The following SYPL1 variants were observed in gnomAD, a reference collection of about 807,000 sequenced individuals.
The protein encoded by SYPL1 is synaptophysin-like protein 1.
A neutral mutation model predicts 23.7 loss-of-function variants in SYPL1; 6 were observed. The ratio of observed to expected loss-of-function variants is 0.25; its 90% confidence interval spans 0.14 to 0.50. The LOEUF is 0.50. SYPL1 is among the 20% of genes least tolerant of loss of function. SYPL1 has a pLI of 0.98. For missense variants in SYPL1, 253 were observed against 288.9 expected (o/e 0.88, Z 0.90); for synonymous variants, 102 against 104.5 (o/e 0.98, Z 0.15).
At chr7:106,107,567 C>T (rs913227867) in intron 1 of SYPL1, among the ~76,000 whole-genome samples, 2 of 151,852 alleles carry the variant, frequency 1.3e-5, no homozygotes, top group African/African-American at 2.4e-5. Flanking sequence ...CCAGGTGAAA[C>T]CCCGTCTCTA....
At chr7:106,107,173 T>C (rs1181624438) in intron 1 of SYPL1, among the ~76,000 whole-genome samples, 3 of 152,246 alleles carry the variant, frequency 2.0e-5, no homozygotes, top group African/African-American at 7.2e-5. Context: ...CATTCAGCAC[T>C]TAAAATGAAA....
intron 1 of SYPL1, among the ~76,000 whole-genome samples, chr7:106,099,567 G>A (rs1015658302): frequency 6.6e-6 from 1 of 151,528 alleles, no homozygotes; most frequent in African/African-American, 2.4e-5. Context: ...ATTTTTCTTT[G>A]AATTTTAGTA....
chr7:106,091,851 G>C lies in SYPL1; in HGVS notation c.680C>G (p.Ser227Cys). 6.2e-7 allele frequency: 1 copy of C among 1,613,712 alleles called. No homozygotes were observed. Among genetic ancestry groups the C allele is most frequent in the South Asian group, 1.1e-5 (1 of 91,060 alleles). ...ETSLHSPSNT[S>C]APHSQGGIPP... ...AATACCTCCTTGGCTATGAGGGGCA[G>C]ATGTATTTGATGGACTGTGTAGGCT... Residue 227 changes from serine to cysteine, a missense_variant, in exon 5 of 5, where the codon TCT (serine) becomes TGT (cysteine). Transcript: ENST00000455385. The surrounding 1 kb of genome is among the most constrained non-coding windows in gnomAD (Gnocchi z 5.0).
chr7:106,091,874 G>T lies in SYPL1; in HGVS notation c.657C>A (p.Ser219Arg). The change falls in exon 5 of 5, where the codon AGC becomes AGA. Residue 219 changes from serine (S) to arginine (R), a missense_variant. Transcript: ENST00000455385. The surrounding 1 kb of genome is among the most constrained non-coding windows in gnomAD (Gnocchi z 5.0). ...GNAWFVYKET[S>R]LHSPSNTSAP... Reference sequence around the variant, plus strand: ...CAGATGTATTTGATGGACTGTGTAGGCTGGTCTCCTTGTACACAAACCAAG... The same window carrying T: ...CAGATGTATTTGATGGACTGTGTAGTCTGGTCTCCTTGTACACAAACCAAG... 1 of 1,613,676 alleles carries T rather than the reference G, an allele frequency of 6.2e-7. No homozygotes were observed. Among genetic ancestry groups the T allele is most frequent in the Non-Finnish European group, 8.5e-7 (1 of 1,179,790 alleles).
intron 1 of SYPL1, among the ~76,000 whole-genome samples, chr7:106,107,366 T>C (rs1840657433): frequency 6.6e-6 from 1 of 152,262 alleles, no homozygotes; most frequent in Non-Finnish European, 1.5e-5. Context: ...TGCTTCAGTT[T>C]CACTCTATCT....
rs1400102550 is a variant in SYPL1, at chr7:106,100,941, T to G, written c.70-1659A>C. Among the ~76,000 whole-genome samples the G allele has an allele frequency of 6.6e-6, 1 of 152,232 alleles. No homozygotes were observed. Among genetic ancestry groups the G allele is most frequent in the Non-Finnish European group, 1.5e-5 (1 of 68,040 alleles). On this transcript the variant is annotated intron_variant, in intron 1 of 4. Transcript: ENST00000455385. This position sits in a 1 kb window ranked among gnomAD's most constrained non-coding sequence, Gnocchi z 5.1. Reference sequence around the variant, plus strand: ...TTGCTACTTTTTCCTTTACCTAATCTGTATACACAAACTGCTTTCCATGCG... The same window carrying G: ...TTGCTACTTTTTCCTTTACCTAATCGGTATACACAAACTGCTTTCCATGCG...
At chr7:106,092,672 C>CA (rs549863505) in intron 4 of SYPL1, 63,485 of 267,110 alleles carry the variant, frequency 0.24, 3,999 homozygotes, top group African/African-American at 0.34. Context: ...AACTCCATCT[C>CA]AAAAAAAAAA....
intron 1 of SYPL1, among the ~76,000 whole-genome samples, chr7:106,111,122 T>A (rs1244099952): frequency 6.6e-6 from 1 of 152,256 alleles, no homozygotes; most frequent in Admixed American, 6.5e-5. Flanking sequence ...GCGGTTACAA[T>A]GGTCCAAGTA....
At chr7:106,108,568 C>T (rs1041409277) in intron 1 of SYPL1, among the ~76,000 whole-genome samples, 3 of 152,102 alleles carry the variant, frequency 2.0e-5, no homozygotes, top group Admixed American at 6.6e-5. Context: ...TGAACATACA[C>T]GTTATCACAA....
intron 3 of SYPL1, 197 bp from the exon 4 acceptor site, chr7:106,093,334 C>G (rs537807807): frequency 8.1e-6 from 4 of 494,806 alleles, no homozygotes; most frequent in South Asian, 3.8e-5. Context: ...TGAGTTACAA[C>G]AGTAAATAAG....
chr7:106,111,469 C>T (rs1200776204), intron 1 of SYPL1, among the ~76,000 whole-genome samples: 1 of 152,174 alleles, frequency 6.6e-6, no homozygotes, highest in African/African-American at 2.4e-5. Context: ...GGACTAAAAG[C>T]TGACTTTCTA....
chr7:106,092,646 C>G (rs4486131), intron 4 of SYPL1: 1 of 379,684 alleles, frequency 2.6e-6, no homozygotes, highest in Non-Finnish European at 4.9e-6. Flanking sequence ...GCACTCCAGT[C>G]TGAGCGACAT....
Position 106,096,996 on chromosome 7 carries a change from C to T in SYPL1, c.402+694G>A, listed in dbSNP as rs1310276994. ...TTGGGAGGCCAAGGCAGGCAGATCACTTGAGCCCAGGAGTTTGAGACCAGC... is the reference window on the plus strand; with the variant it reads ...TTGGGAGGCCAAGGCAGGCAGATCATTTGAGCCCAGGAGTTTGAGACCAGC... On this transcript the variant is annotated intron_variant, in intron 3 of 4. Coordinates refer to ENST00000455385, the MANE Select transcript of SYPL1 (RefSeq NM_182715.4). This position sits in a 1 kb window ranked among gnomAD's most constrained non-coding sequence, Gnocchi z 4.4. Among the ~76,000 whole-genome samples the T allele has an allele frequency of 1.3e-5, 2 of 148,978 alleles. No individual in the cohort carries two copies. The highest frequency in any genetic ancestry group is 2.9e-5 in the Non-Finnish European group (2 of 68,032).
intron 1 of SYPL1, among the ~76,000 whole-genome samples, chr7:106,110,979 C>G (rs575262469): frequency 6.6e-6 from 1 of 152,216 alleles, no homozygotes; most frequent in South Asian, 2.1e-4. Context: ...TAAATCTGGA[C>G]TTAGGTTTAA....
chr7:106,097,933 C>T lies in SYPL1; in HGVS notation c.195-36G>A. 2.0e-6 allele frequency: 3 copies of T among 1,538,320 alleles called. No homozygotes were observed. The highest frequency in any genetic ancestry group is 2.7e-6 in the Non-Finnish European group (3 of 1,124,096). ...AAATGTATGAATTATTGGACTTTCC[C>T]AACAGAGACAGAAACATTTAAGCAA... On this transcript the variant is annotated intron_variant, in intron 2 of 4. Coordinates refer to ENST00000455385, the MANE Select transcript of SYPL1 (RefSeq NM_182715.4). The surrounding 1 kb of genome is among the most constrained non-coding windows in gnomAD (Gnocchi z 4.6).
rs1326725469 is a variant in SYPL1 at position 106,104,871 on chromosome 7, TAA to T, written c.70-5591_70-5590del. Among the ~76,000 whole-genome samples, 1 of 152,220 alleles carries T rather than the reference TAA, an allele frequency of 6.6e-6. No homozygotes were observed. Among genetic ancestry groups the T allele is most frequent in the Middle Eastern group, 3.2e-3 (1 of 316 alleles). ...AAGTTATATACTGGCAGCCTGTTGG[TAA>T]AACCCGGCCTGCAAATATATTTGTG... is the stretch of plus-strand genomic sequence containing the variant. On this transcript the variant is annotated intron_variant, in intron 1 of 4. Coordinates refer to ENST00000455385, the MANE Select transcript of SYPL1 (RefSeq NM_182715.4). The surrounding 1 kb of genome is among the most constrained non-coding windows in gnomAD (Gnocchi z 4.1).
chr7:106,093,220 T>A, intron 3 of SYPL1, 83 bp from the exon 4 acceptor site: 1 of 1,297,854 alleles, frequency 7.7e-7, no homozygotes, highest in Non-Finnish European at 1.0e-6. Flanking sequence ...AAACTGAGAT[T>A]ACATTCAACC....
chr7:106,108,886 A>G (rs1195884969), intron 1 of SYPL1, among the ~76,000 whole-genome samples: 1 of 152,204 alleles, frequency 6.6e-6, no homozygotes, highest in East Asian at 1.9e-4. Flanking sequence ...TCCTAACGAT[A>G]CTAAGACATT....
intron 4 of SYPL1, 74 bp from the exon 5 acceptor site, chr7:106,092,013 C>A (rs1839757798): frequency 3.5e-6 from 5 of 1,416,858 alleles, no homozygotes; most frequent in Non-Finnish European, 3.8e-6. Context: ...AAAAATCTCA[C>A]TTTTTCTTTA....
Sources: gnomAD v4.1 joint callset for allele counts (sites outside exome capture counted in the v4.1 genomes callset) on GRCh38, gnomAD v4.1.1 for gene constraint, Gnocchi (gnomAD v3.1) non-coding constraint, MANE v1.5 for transcripts, NCBI Gene and HGNC (gene_info 2026-07-23, HGNC 2026-07-21) for gene names.